The following STXBP6 variants were observed in gnomAD, a reference collection of about 807,000 sequenced individuals.
STXBP6 encodes the protein syntaxin-binding protein 6.
STXBP6 carries 21 observed loss-of-function variants against 26.9 expected under a neutral mutation model. The ratio of observed to expected loss-of-function variants is 0.78; its 90% CI spans 0.55 to 1.12. The LOEUF (loss-of-function observed/expected upper bound fraction) is 1.12, where lower values mean the gene tolerates loss of function less well. STXBP6 is among the 50% of genes most tolerant of loss of function. The pLI, the probability that STXBP6 is intolerant of heterozygous loss-of-function variation, is 0.00. For synonymous variants in STXBP6, 97 were observed against 92.6 expected (o/e 1.05, Z -0.27); for missense variants, 232 against 257.9 (o/e 0.90, Z 0.69).
chr14:24,935,552 A>G (rs2139941414), intron 2 of STXBP6, among the ~76,000 whole-genome samples: 1 of 152,292 alleles, frequency 6.6e-6, no homozygotes, highest in South Asian at 2.1e-4. Flanking sequence ...TTGTGGAGAT[A>G]TGTGTGGTGA....
chr14:25,041,370 A>G (rs2075639887), intron 1 of STXBP6, among the ~76,000 whole-genome samples: 1 of 152,216 alleles, frequency 6.6e-6, no homozygotes, highest in Admixed American at 6.5e-5. Flanking sequence ...ATATTGTTAT[A>G]GTGGATAAGG....
At chr14:24,920,938 C>G (rs1050983364) in intron 2 of STXBP6, among the ~76,000 whole-genome samples, 1 of 152,068 alleles carries the variant, frequency 6.6e-6, no homozygotes, top group African/African-American at 2.4e-5. Flanking sequence ...GATAATGCAA[C>G]CCAAGATCTA....
At chr14:24,945,166 T>A (rs202232693) in intron 2 of STXBP6, among the ~76,000 whole-genome samples, 2,891 of 143,824 alleles carry the variant, frequency 0.02, 75 homozygotes, top group East Asian at 0.097. Context: ...TTTTTTTTTT[T>A]AGCAGATTCC....
chr14:24,842,034 T>C (rs540125157), intron 4 of STXBP6, among the ~76,000 whole-genome samples: 120 of 152,294 alleles, frequency 7.9e-4, no homozygotes, highest in African/African-American at 2.8e-3. Flanking sequence ...AGTTTTATTA[T>C]TTCCTGTGCT....
intron 2 of STXBP6, among the ~76,000 whole-genome samples, chr14:24,937,647 T>C (rs1311353298): frequency 6.6e-6 from 1 of 152,188 alleles, no homozygotes; most frequent in African/African-American, 2.4e-5. Flanking sequence ...AAACATAAAA[T>C]ACAGTAATTT....
chr14:24,976,895 C>CTTTTTTTTTTT (rs1555336260), intron 1 of STXBP6, among the ~76,000 whole-genome samples: 1 of 87,142 alleles, frequency 1.1e-5, no homozygotes, highest in African/African-American at 5.5e-5. Context: ...CAGAGTCTTG[C>CTTTTTTTTTTT]TTTATCACCC....
chr14:24,965,319 A>G (rs1388846802), intron 2 of STXBP6, among the ~76,000 whole-genome samples: 1 of 122,786 alleles, frequency 8.1e-6, no homozygotes, highest in Non-Finnish European at 1.8e-5. Flanking sequence ...TCATACATAC[A>G]TATTAACATG....
intron 4 of STXBP6, among the ~76,000 whole-genome samples, chr14:24,849,871 A>T (rs2069087160): frequency 6.6e-6 from 1 of 152,126 alleles, no homozygotes; most frequent in Admixed American, 6.6e-5. Context: ...AGGATATTGA[A>T]GTTTGATCCC....
chr14:24,964,508 C>T (rs575710154), intron 2 of STXBP6, among the ~76,000 whole-genome samples: 1 of 152,304 alleles, frequency 6.6e-6, no homozygotes, highest in South Asian at 2.1e-4. Context: ...TTCATGGAAG[C>T]TGAGTACCTT....
intron 2 of STXBP6, among the ~76,000 whole-genome samples, chr14:24,945,182 C>A (rs2072944377): frequency 1.0e-5 from 1 of 98,628 alleles, no homozygotes. Flanking sequence ...ATTCCTGACT[C>A]CCACTTTCAC....
chr14:24,920,060 T>C (rs75960576), intron 2 of STXBP6, among the ~76,000 whole-genome samples: 4,852 of 152,144 alleles, frequency 0.032, 202 homozygotes, highest in African/African-American at 0.1. Flanking sequence ...GTGATTCTTA[T>C]GTTTAGCTTT....
At chr14:24,873,525 T>C (rs1300957666) in intron 2 of STXBP6, among the ~76,000 whole-genome samples, 3 of 152,108 alleles carry the variant, frequency 2.0e-5, no homozygotes, top group Admixed American at 6.5e-5. Flanking sequence ...GAGTAAAAGA[T>C]GGAGTGGAAA....
intron 1 of STXBP6, among the ~76,000 whole-genome samples, chr14:25,037,084 T>C (rs1595358613): frequency 6.6e-6 from 1 of 152,128 alleles, no homozygotes; most frequent in African/African-American, 2.4e-5. Flanking sequence ...AAGACAGTCC[T>C]GGCAGAATGT....
At chr14:24,904,360 A>G (rs2071316346) in intron 2 of STXBP6, among the ~76,000 whole-genome samples, 1 of 152,212 alleles carries the variant, frequency 6.6e-6, no homozygotes, top group Non-Finnish European at 1.5e-5. Flanking sequence ...GGTTGGTGCA[A>G]AAGTAACTCT....
intron 4 of STXBP6, among the ~76,000 whole-genome samples, chr14:24,852,158 C>G (rs139617746): frequency 2.5e-4 from 38 of 152,080 alleles, no homozygotes; most frequent in African/African-American, 8.4e-4. Flanking sequence ...TATCTCCTGA[C>G]CTAACTCAGA....
intron 2 of STXBP6, among the ~76,000 whole-genome samples, chr14:24,925,386 T>C (rs1159651397): frequency 6.6e-6 from 1 of 152,204 alleles, no homozygotes; most frequent in Admixed American, 6.5e-5. Flanking sequence ...GCAGGATCAA[T>C]TTCATTTAAG....
chr14:25,022,723 T>TA (rs1357581649), intron 1 of STXBP6, among the ~76,000 whole-genome samples: 1 of 152,218 alleles, frequency 6.6e-6, no homozygotes, highest in Non-Finnish European at 1.5e-5. Flanking sequence ...AATCCTCCTT[T>TA]CTCTACTTGT....
chr14:25,010,657 C>T (rs976961626), intron 1 of STXBP6: 2 of 152,328 alleles, frequency 1.3e-5, no homozygotes, highest in Admixed American at 6.5e-5. Flanking sequence ...CACAGAAAGG[C>T]GGAGCCTTAG....
chr14:25,036,958 T>C (rs1290337060), intron 1 of STXBP6, among the ~76,000 whole-genome samples: 3 of 151,782 alleles, frequency 2.0e-5, no homozygotes, highest in South Asian at 2.1e-4. Flanking sequence ...ACACGGAATA[T>C]ACACGGAATA....
Sources: allele counts gnomAD v4.1 joint callset (sites outside exome capture counted in the v4.1 genomes callset), GRCh38; gene constraint gnomAD v4.1.1; transcripts MANE v1.5; gene names NCBI Gene and HGNC (gene_info 2026-07-23, HGNC 2026-07-21).